The following SYNDIG1 variants were observed in gnomAD, a reference collection of about 807,000 sequenced individuals.
SYNDIG1 encodes the protein synapse differentiation-inducing gene protein 1.
Under a neutral mutation model 19.4 loss-of-function variants are expected in SYNDIG1, and 9 were observed. The ratio of observed to expected loss-of-function variants is 0.46; its 90% CI spans 0.28 to 0.81. The LOEUF is 0.81. SYNDIG1 is among the 30% of genes least tolerant of loss of function. The pLI is 0.12. For missense variants in SYNDIG1, 311 were observed against 343.3 expected, an observed-to-expected ratio of 0.91 and a Z score of 0.74; for synonymous variants, 141 against 145.9, an observed-to-expected ratio of 0.97 and a Z score of 0.24.
Position 24,584,787 on chromosome 20 carries a change from C to G in SYNDIG1, c.481-69C>G, listed in dbSNP as rs1041897363. 14 of 1,608,506 alleles carry G rather than the reference C, an allele frequency of 8.7e-6. No homozygotes were observed. In the Admixed American group the frequency reaches 1.0e-4, roughly 12 times the overall value. On this transcript the variant is annotated intron_variant, in intron 2 of 3. Transcript: ENST00000376862. ...GCCAGCCAGGGGTCATCCCACATCC[C>G]TGGACACCCCAGGATGACTCCTTTA...
chr20:24,490,078 C>T (rs2056103442), intron 1 of SYNDIG1, among the ~76,000 whole-genome samples: 1 of 152,222 alleles, frequency 6.6e-6, no homozygotes. Context: ...GAGAGGCACC[C>T]TCCAGGATAC....
At chr20:24,577,344 C>T (rs2058246333) in intron 2 of SYNDIG1, among the ~76,000 whole-genome samples, 1 of 152,234 alleles carries the variant, frequency 6.6e-6, no homozygotes, top group Non-Finnish European at 1.5e-5. Flanking sequence ...GGGTCTTCTA[C>T]AGCCAGGCAG....
intron 2 of SYNDIG1, among the ~76,000 whole-genome samples, chr20:24,552,313 AATT>A (rs1032804411): frequency 3.9e-5 from 6 of 152,030 alleles, no homozygotes; most frequent in African/African-American, 1.4e-4. Flanking sequence ...TTTTTTAAAA[AATT>A]ATTATTATAC....
At chr20:24,628,186 A>C (rs965975435) in intron 3 of SYNDIG1, among the ~76,000 whole-genome samples, 14 of 152,126 alleles carry the variant, frequency 9.2e-5, no homozygotes. Flanking sequence ...AAAAGAAAAG[A>C]ATTAGCAACC....
At chr20:24,575,033 C>T (rs1316481444) in intron 2 of SYNDIG1, among the ~76,000 whole-genome samples, 2 of 152,200 alleles carry the variant, frequency 1.3e-5, no homozygotes, top group African/African-American at 4.8e-5. Context: ...CCAGGGAAAC[C>T]CTGGATGTGC....
At chr20:24,520,119 A>T (rs1039702796) in intron 1 of SYNDIG1, among the ~76,000 whole-genome samples, 1 of 152,132 alleles carries the variant, frequency 6.6e-6, no homozygotes, top group Non-Finnish European at 1.5e-5. Flanking sequence ...ATGGAGTCCG[A>T]CGGGGCTTTT....
intron 3 of SYNDIG1, among the ~76,000 whole-genome samples, chr20:24,652,218 C>T (rs543680225): frequency 6.6e-5 from 10 of 152,260 alleles, no homozygotes; most frequent in Admixed American, 2.6e-4. Flanking sequence ...CAGACAGAGG[C>T]GTTGAAAGGG....
At chr20:24,593,439 C>T (rs1457852681) in intron 3 of SYNDIG1, among the ~76,000 whole-genome samples, 1 of 150,954 alleles carries the variant, frequency 6.6e-6, no homozygotes. Context: ...TTTATCCAGT[C>T]TACCATTGAT....
chr20:24,548,767 G>C (rs906296046), intron 2 of SYNDIG1, among the ~76,000 whole-genome samples: 1 of 152,112 alleles, frequency 6.6e-6, no homozygotes, highest in South Asian at 2.1e-4. Context: ...GTGAGTGAAC[G>C]AACATCCTTG....
intron 1 of SYNDIG1, among the ~76,000 whole-genome samples, chr20:24,473,905 TGA>T (rs1378962127): frequency 1.3e-5 from 2 of 152,188 alleles, no homozygotes; most frequent in Non-Finnish European, 2.9e-5. Context: ...CTCAGAAAAG[TGA>T]CGTGGTTTGT....
chr20:24,568,797 C>T (rs148514822), intron 2 of SYNDIG1, among the ~76,000 whole-genome samples: 179 of 152,344 alleles, frequency 1.2e-3, no homozygotes, highest in African/African-American at 4.2e-3. Flanking sequence ...CAGGAGGCAA[C>T]ATTTTCTTGC....
At chr20:24,626,855 C>T (rs2059148780) in intron 3 of SYNDIG1, among the ~76,000 whole-genome samples, 2 of 152,262 alleles carry the variant, frequency 1.3e-5, no homozygotes, top group East Asian at 3.9e-4. Context: ...TGGCGGATCA[C>T]TCACGGTTAG....
rs145631470 is a variant in SYNDIG1 at position 24,488,632 on chromosome 20, T to C, written c.-79+18879T>C. Among the ~76,000 whole-genome samples the C allele has an allele frequency of 4.1e-3, 623 of 152,376 alleles. 1 individual carries two copies. Among genetic ancestry groups the C allele is most frequent in the Middle Eastern group, 0.017 (5 of 294 alleles). On this transcript the variant is annotated intron_variant, in intron 1 of 3. Transcript: ENST00000376862. Reference sequence around the variant, plus strand: ...AGAGGAGCCGTCCCTGGGCATCACATTGGCTCTTGCCCAAGAAAGGTGAGT... The same window carrying C: ...AGAGGAGCCGTCCCTGGGCATCACACTGGCTCTTGCCCAAGAAAGGTGAGT...
chr20:24,616,388 G>C (rs115577277), intron 3 of SYNDIG1, among the ~76,000 whole-genome samples: 3 of 152,276 alleles, frequency 2.0e-5, no homozygotes, highest in African/African-American at 4.8e-5. Flanking sequence ...CCAGGGGCTC[G>C]CGCCCCTCCT....
chr20:24,515,140 A>T (rs2056834109), intron 1 of SYNDIG1, among the ~76,000 whole-genome samples: 1 of 152,250 alleles, frequency 6.6e-6, no homozygotes, highest in Admixed American at 6.5e-5. Flanking sequence ...GTAGAGGGAA[A>T]TTTATAGCAC....
intron 1 of SYNDIG1, among the ~76,000 whole-genome samples, chr20:24,513,076 G>C (rs1453293683): frequency 2.0e-5 from 3 of 152,218 alleles, no homozygotes; most frequent in Non-Finnish European, 2.9e-5. Flanking sequence ...CTGACTGTTA[G>C]AAGGAAAACT....
chr20:24,557,130 T>C (rs1044813613), intron 2 of SYNDIG1, among the ~76,000 whole-genome samples: 4 of 152,012 alleles, frequency 2.6e-5, no homozygotes, highest in African/African-American at 9.7e-5. Flanking sequence ...CTTCATGTAG[T>C]TCTCGAGCCT....
At chr20:24,592,893 G>A (rs1175264613) in intron 3 of SYNDIG1, among the ~76,000 whole-genome samples, 1 of 152,158 alleles carries the variant, frequency 6.6e-6, no homozygotes, top group Non-Finnish European at 1.5e-5. Flanking sequence ...GATTACAGGT[G>A]TGAGCCACCC....
chr20:24,598,177 C>G (rs1347299684), intron 3 of SYNDIG1, among the ~76,000 whole-genome samples: 2 of 152,206 alleles, frequency 1.3e-5, no homozygotes, highest in Non-Finnish European at 2.9e-5. Flanking sequence ...CAGACGGGCA[C>G]TGTGCAGGGT....
Sources: allele counts gnomAD v4.1 joint callset (sites outside exome capture counted in the v4.1 genomes callset), GRCh38; gene constraint gnomAD v4.1.1; transcripts MANE v1.5; gene names NCBI Gene and HGNC (gene_info 2026-07-23, HGNC 2026-07-21).